ZNF609: variants seen among roughly 807,000 people sequenced by gnomAD.
ZNF609 encodes zinc finger protein 609.
Under a neutral mutation model 109.5 loss-of-function variants are expected in ZNF609, and 11 were observed. The ratio of observed to expected loss-of-function variants is 0.10; its 90% CI spans 0.06 to 0.17. The LOEUF is 0.17. Among genes scored for constraint, ZNF609 ranks in the 10% least tolerant of loss-of-function variants. ZNF609 has a pLI of 1.00. For missense variants in ZNF609, 1,559 were observed against 1,772.4 expected, an observed-to-expected ratio of 0.88 and a Z score of 2.16; for synonymous variants, 646 against 662.0, an observed-to-expected ratio of 0.98 and a Z score of 0.37.
chr15:64,567,475 C>T (rs903391772), intron 2 of ZNF609, among the ~76,000 whole-genome samples: 2 of 151,060 alleles, frequency 1.3e-5, no homozygotes, highest in African/African-American at 4.9e-5. Context: ...GAGCAAGACT[C>T]TGTCTCAAAA....
Position 64,472,051 on chromosome 15 carries a change from T to C in ZNF609, c.-128+11213T>C, listed in dbSNP as rs558981355. Among the ~76,000 whole-genome samples, 104 of 152,080 alleles carry C rather than the reference T, an allele frequency of 6.8e-4. 1 individual carries two copies. Among genetic ancestry groups the C allele is most frequent in the Admixed American group, 1.6e-3 (24 of 15,260 alleles). ...TCAGCCTCCCGAGTAGCTGGTATTA[T>C]AGGTGTCTGCCACCACGCCCAGCTA... On this transcript the variant is annotated intron_variant, in intron 1 of 9. Coordinates refer to ENST00000326648, the MANE Select transcript of ZNF609 (RefSeq NM_015042.2).
chr15:64,646,261 A>T (rs545463841), intron 3 of ZNF609, among the ~76,000 whole-genome samples: 26 of 152,260 alleles, frequency 1.7e-4, no homozygotes, highest in African/African-American at 5.8e-4. Flanking sequence ...TGGGAGGCTG[A>T]GATGGGAGGA....
intron 1 of ZNF609, among the ~76,000 whole-genome samples, chr15:64,495,424 C>T (rs544882779): frequency 1.3e-5 from 2 of 152,066 alleles, no homozygotes; most frequent in South Asian, 2.1e-4. Flanking sequence ...GATGGCATCT[C>T]GCTCTGTCGC....
intron 2 of ZNF609, among the ~76,000 whole-genome samples, chr15:64,562,386 T>C (rs1195658858): frequency 1.3e-5 from 2 of 152,220 alleles, no homozygotes; most frequent in Non-Finnish European, 2.9e-5. Flanking sequence ...TAGAAACATT[T>C]ATGCCCCCAA....
intron 2 of ZNF609, among the ~76,000 whole-genome samples, chr15:64,605,312 G>T (rs1318916306): frequency 6.6e-6 from 1 of 152,146 alleles, no homozygotes; most frequent in Non-Finnish European, 1.5e-5. Context: ...CTGCAGTGAG[G>T]TGAAGGAATG....
intron 2 of ZNF609, among the ~76,000 whole-genome samples, chr15:64,543,987 G>A (rs912093339): frequency 1.2e-4 from 18 of 152,012 alleles, no homozygotes; most frequent in African/African-American, 4.3e-4. Context: ...TTCCATAAGT[G>A]CTCCTTGACT....
At chr15:64,584,115 G>A (rs962147265) in intron 2 of ZNF609, among the ~76,000 whole-genome samples, 8 of 152,078 alleles carry the variant, frequency 5.3e-5, no homozygotes, top group African/African-American at 1.9e-4. Flanking sequence ...AAAGAAAGGA[G>A]GGGAATGTAT....
At chr15:64,507,422 C>G (rs946142360) in intron 2 of ZNF609, among the ~76,000 whole-genome samples, 3 of 152,204 alleles carry the variant, frequency 2.0e-5, no homozygotes, top group African/African-American at 7.2e-5. Flanking sequence ...AGCCCTCTCT[C>G]TGTGGTTTTC....
chr15:64,531,852 A>G (rs1441778238), intron 2 of ZNF609, among the ~76,000 whole-genome samples: 1 of 152,124 alleles, frequency 6.6e-6, no homozygotes. Flanking sequence ...TTTCTAACCT[A>G]TGTCCCTTGC....
chr15:64,608,165 A>G (rs1282019800), intron 2 of ZNF609, among the ~76,000 whole-genome samples: 1 of 151,978 alleles, frequency 6.6e-6, no homozygotes, highest in Non-Finnish European at 1.5e-5. Flanking sequence ...CCAAAGTGCT[A>G]GGATTACAAG....
rs116763922 is a variant in ZNF609 at position 64,544,114 on chromosome 15, G to A, written c.747+43948G>A. ...CAGCACTTTGGAGGCCAAGGACGGCGGATCACCTTAGGTCAGGAGTTTGAG... is the reference window on the plus strand; with the variant it reads ...CAGCACTTTGGAGGCCAAGGACGGCAGATCACCTTAGGTCAGGAGTTTGAG... On this transcript the variant is annotated intron_variant, in intron 2 of 9. Coordinates refer to ENST00000326648, the MANE Select transcript of ZNF609 (RefSeq NM_015042.2). Among the ~76,000 whole-genome samples the A allele has an allele frequency of 8.9e-3, 1,351 of 152,266 alleles. 24 individuals are homozygous for A. Among genetic ancestry groups the A allele is most frequent in the African/African-American group, 0.031 (1,285 of 41,538 alleles).
chr15:64,514,697 G>A (rs1893781912), intron 2 of ZNF609, among the ~76,000 whole-genome samples: 2 of 150,730 alleles, frequency 1.3e-5, no homozygotes, highest in South Asian at 4.2e-4. Flanking sequence ...AGAGTGCAGT[G>A]GCGCGATCTG....
chr15:64,586,618 C>T (rs764271901), intron 2 of ZNF609, among the ~76,000 whole-genome samples: 1 of 152,098 alleles, frequency 6.6e-6, no homozygotes, highest in Non-Finnish European at 1.5e-5. Flanking sequence ...TGAGGTGGAA[C>T]AGTTATAGCC....
chr15:64,668,189 A>G (rs1172006621), intron 3 of ZNF609, among the ~76,000 whole-genome samples: 1 of 152,244 alleles, frequency 6.6e-6, no homozygotes, highest in East Asian at 1.9e-4. Context: ...TTAATAATAG[A>G]AATCTAATGT....
At chr15:64,494,766 C>A (rs922548689) in intron 1 of ZNF609, among the ~76,000 whole-genome samples, 4 of 152,066 alleles carry the variant, frequency 2.6e-5, no homozygotes, top group Admixed American at 6.6e-5. Flanking sequence ...CTCAGGTAAT[C>A]CACCCGTCTA....
At chr15:64,597,935 T>C (rs868672726) in intron 2 of ZNF609, among the ~76,000 whole-genome samples, 1 of 152,198 alleles carries the variant, frequency 6.6e-6, no homozygotes, top group Non-Finnish European at 1.5e-5. Flanking sequence ...GCCTTCACTA[T>C]GTATATAAAT....
At chr15:64,512,747 T>A (rs1312964617) in intron 2 of ZNF609, among the ~76,000 whole-genome samples, 3 of 152,120 alleles carry the variant, frequency 2.0e-5, no homozygotes, top group Admixed American at 1.3e-4. Flanking sequence ...TTTTTAAGTC[T>A]TATGCCTGAA....
intron 2 of ZNF609, among the ~76,000 whole-genome samples, chr15:64,621,858 T>A (rs567017037): frequency 6.6e-6 from 1 of 151,788 alleles, no homozygotes; most frequent in African/African-American, 2.4e-5. Flanking sequence ...CCTGGATAGC[T>A]GGGATTACAG....
At chr15:64,461,618 G>A (rs1196775724) in intron 1 of ZNF609, among the ~76,000 whole-genome samples, 1 of 152,174 alleles carries the variant, frequency 6.6e-6, no homozygotes, top group African/African-American at 2.4e-5. Flanking sequence ...GCAGCAAACA[G>A]TCATTTCAGC....
Sources: allele counts gnomAD v4.1 joint callset (sites outside exome capture counted in the v4.1 genomes callset), GRCh38; gene constraint gnomAD v4.1.1; transcripts MANE v1.5; gene names NCBI Gene and HGNC (gene_info 2026-07-23, HGNC 2026-07-21).